Variants in C10orf67 observed in about 807,000 individuals in gnomAD.
C10orf67 encodes uncharacterized protein C10orf67, mitochondrial.
A neutral mutation model predicts 35.6 loss-of-function variants in C10orf67; 60 were observed. That is an observed-to-expected ratio of 1.68 (90% CI 1.37 to 2.09). The LOEUF (loss-of-function observed/expected upper bound fraction) is 2.09. C10orf67 is among the 30% of genes most tolerant of loss of function. The pLI, the probability that C10orf67 is intolerant of heterozygous loss-of-function variation, is 0.00. For missense variants in C10orf67, 474 were observed against 330.2 expected (o/e 1.44, Z -3.38); for synonymous variants, 167 against 115.8 (o/e 1.44, Z -2.84).
chr10:23,286,134 G>A (rs1035695274), intron 7 of C10orf67, among the ~76,000 whole-genome samples: 1 of 151,872 alleles, frequency 6.6e-6, no homozygotes, highest in Non-Finnish European at 1.5e-5. Context: ...ACTCACACCT[G>A]TAATCCTAAC....
Position 23,252,654 on chromosome 10 carries a change from G to T in C10orf67, c.1201-1963C>A, listed in dbSNP as rs377392866. Among the ~76,000 whole-genome samples, 30 of 152,320 alleles carry T rather than the reference G, an allele frequency of 2.0e-4. No individual in the cohort carries two copies. The South Asian group carries it at 4.8e-3, about 24-fold the overall frequency. On this transcript the variant is annotated intron_variant, in intron 10 of 15. Transcript: ENST00000636213. ...GAGCTGCCTGAAATTTCTCATTTGGGCAAGTAGATGGAGAATGATTCTATT... is the reference window on the plus strand; with the variant it reads ...GAGCTGCCTGAAATTTCTCATTTGGTCAAGTAGATGGAGAATGATTCTATT...
At chr10:23,217,241 G>A (rs1821447373) in intron 15 of C10orf67, among the ~76,000 whole-genome samples, 1 of 152,112 alleles carries the variant, frequency 6.6e-6, no homozygotes, top group African/African-American at 2.4e-5. Flanking sequence ...ATTTGTAGAA[G>A]CCACACTTCA....
intron 4 of C10orf67, among the ~76,000 whole-genome samples, chr10:23,315,418 A>ATGTGTTT (rs1844661950): frequency 6.6e-6 from 1 of 152,112 alleles, no homozygotes; most frequent in South Asian, 2.1e-4. Context: ...CTATAAGAGC[A>ATGTGTTT]TGTGTTTTTT....
intron 8 of C10orf67, among the ~76,000 whole-genome samples, chr10:23,273,529 A>T (rs931639644): frequency 6.6e-6 from 1 of 152,222 alleles, no homozygotes; most frequent in East Asian, 1.9e-4. Context: ...ATCAGCTTGC[A>T]GTCTGGAATC....
intron 7 of C10orf67, among the ~76,000 whole-genome samples, chr10:23,283,987 T>C (rs959494110): frequency 1.3e-5 from 2 of 152,128 alleles, no homozygotes; most frequent in Non-Finnish European, 2.9e-5. Flanking sequence ...GGTATTTGAT[T>C]CCTGGAATTA....
chr10:23,296,932 C>A (rs2132272171), intron 5 of C10orf67, among the ~76,000 whole-genome samples: 1 of 152,344 alleles, frequency 6.6e-6, no homozygotes, highest in African/African-American at 2.4e-5. Context: ...ATAATTTGGC[C>A]ACCTGATGGG....
intron 13 of C10orf67, among the ~76,000 whole-genome samples, chr10:23,239,481 A>G (rs925992975): frequency 2.6e-5 from 4 of 152,180 alleles, no homozygotes; most frequent in African/African-American, 9.7e-5. Context: ...TGAAATTTAT[A>G]CTTGCCCCAT....
intron 13 of C10orf67, among the ~76,000 whole-genome samples, chr10:23,235,886 G>A (rs2132130135): frequency 6.6e-6 from 1 of 152,286 alleles, no homozygotes; most frequent in South Asian, 2.1e-4. Flanking sequence ...GGAGGCCAAG[G>A]TGGGTGGATC....
chr10:23,285,013 T>C (rs1205710051), intron 7 of C10orf67, among the ~76,000 whole-genome samples: 1 of 152,206 alleles, frequency 6.6e-6, no homozygotes, highest in Non-Finnish European at 1.5e-5. Context: ...AACTAATTGA[T>C]TTAGTGCAGG....
intron 15 of C10orf67, among the ~76,000 whole-genome samples, chr10:23,206,013 C>G (rs563753072): frequency 1.3e-5 from 2 of 152,352 alleles, no homozygotes; most frequent in Admixed American, 6.5e-5. Flanking sequence ...TTCAAAAGCA[C>G]TGATCTCGCC....
At chr10:23,221,238 G>T (rs1156632517) in intron 15 of C10orf67, among the ~76,000 whole-genome samples, 1 of 152,152 alleles carries the variant, frequency 6.6e-6, no homozygotes, top group East Asian at 1.9e-4. Flanking sequence ...GAGAGCGAGA[G>T]AGAGAGACAG....
chr10:23,214,763 C>T (rs553339488), intron 15 of C10orf67, among the ~76,000 whole-genome samples: 31 of 152,182 alleles, frequency 2.0e-4, no homozygotes, highest in African/African-American at 6.5e-4. Context: ...GGCTCACGCC[C>T]GTAATCCCCA....
chr10:23,281,081 G>A (rs900509307), intron 8 of C10orf67, among the ~76,000 whole-genome samples: 3 of 152,124 alleles, frequency 2.0e-5, no homozygotes, highest in Non-Finnish European at 4.4e-5. Context: ...TAACACATTT[G>A]TTAACACATG....
At chr10:23,272,623 A>C (rs1371605963) in intron 8 of C10orf67, among the ~76,000 whole-genome samples, 1 of 152,218 alleles carries the variant, frequency 6.6e-6, no homozygotes, top group Non-Finnish European at 1.5e-5. Context: ...AGGCATGTGC[A>C]TCTTCCAACT....
chr10:23,241,427 T>C (rs1055752725), intron 12 of C10orf67, among the ~76,000 whole-genome samples: 1 of 152,154 alleles, frequency 6.6e-6, no homozygotes, highest in African/African-American at 2.4e-5. Context: ...GTTGAGACTT[T>C]GGGGGATATT....
chr10:23,240,596 T>C (rs1014946826), intron 12 of C10orf67, among the ~76,000 whole-genome samples: 2 of 152,190 alleles, frequency 1.3e-5, no homozygotes, highest in Non-Finnish European at 2.9e-5. Flanking sequence ...TTGCAAGCGA[T>C]GCGAAAATTA....
intron 4 of C10orf67, among the ~76,000 whole-genome samples, chr10:23,312,591 C>T (rs907318490): frequency 1.3e-5 from 2 of 152,174 alleles, no homozygotes; most frequent in African/African-American, 4.8e-5. Flanking sequence ...CCTCTAGGCG[C>T]TCTCCATAGA....
rs779254906 is a variant in C10orf67, at chr10:23,322,505, G to T, written c.360C>A (p.Phe120Leu). The change falls in exon 3 of 16, where the codon TTC (phenylalanine) becomes TTA (leucine). Residue 120 changes from phenylalanine to leucine, a missense_variant. Physicochemically the swap from Phe to Leu is conservative, Grantham distance 22. Transcript: ENST00000636213. The stretch of plus-strand genomic sequence containing the variant: ...ACTTCAACTGAAGCAATTGTTTGAG[G>T]AACCCAAAATCTACCTGGAGGGATT... ...MMKSLQVDFG[F>L]LKQLLQLKFE... is the part of the protein sequence containing the mutation. 6.2e-7 allele frequency: 1 copy of T among 1,611,574 alleles called. No homozygotes were observed. The highest frequency in any genetic ancestry group is 8.5e-7 in the Non-Finnish European group (1 of 1,178,198).
intron 4 of C10orf67, among the ~76,000 whole-genome samples, chr10:23,314,355 C>G (rs1043389397): frequency 7.9e-5 from 12 of 152,136 alleles, no homozygotes; most frequent in African/African-American, 2.9e-4. Context: ...GGCACGGTGC[C>G]TCACACCTAT....
Sources: allele counts gnomAD v4.1 joint callset (sites outside exome capture counted in the v4.1 genomes callset), GRCh38; gene constraint gnomAD v4.1.1; transcripts MANE v1.5; gene names NCBI Gene and HGNC (gene_info 2026-07-23, HGNC 2026-07-21).